MARCHF8: variants seen among roughly 807,000 people sequenced by gnomAD.
MARCHF8 encodes E3 ubiquitin-protein ligase MARCHF8.
MARCHF8 carries 40 observed loss-of-function variants against 51.6 expected under a neutral mutation model. The observed-to-expected ratio is 0.77, with a 90% CI of 0.60 to 1.01. The LOEUF (loss-of-function observed/expected upper bound fraction) is 1.01, where lower values mean the gene tolerates loss of function less well. Among genes scored for constraint, MARCHF8 ranks in the 50% least tolerant of loss-of-function variants. MARCHF8 has a pLI of 0.00. For synonymous variants in MARCHF8, 263 were observed against 280.3 expected (o/e 0.94, Z 0.62); for missense variants, 685 against 708.6 (o/e 0.97, Z 0.38).
intron 2 of MARCHF8, among the ~76,000 whole-genome samples, chr10:45,531,381 A>G (rs2043883158): frequency 1.3e-5 from 2 of 152,196 alleles, no homozygotes; most frequent in African/African-American, 2.4e-5. Flanking sequence ...AAGAAAAATG[A>G]TAGATGGAAA....
chr10:45,467,502 C>T (rs775477534), intron 3 of MARCHF8, among the ~76,000 whole-genome samples: 13 of 152,120 alleles, frequency 8.5e-5, no homozygotes, highest in Non-Finnish European at 1.5e-4. Context: ...TTATTTGTTG[C>T]TGCTATAGAC....
intron 2 of MARCHF8, among the ~76,000 whole-genome samples, chr10:45,490,262 T>C (rs1043891613): frequency 2.0e-5 from 3 of 152,218 alleles, no homozygotes; most frequent in African/African-American, 7.2e-5. Context: ...CCTCAGAATA[T>C]AACTATTTGG....
intron 2 of MARCHF8, among the ~76,000 whole-genome samples, chr10:45,528,121 C>T (rs991681734): frequency 2.0e-5 from 3 of 152,054 alleles, no homozygotes; most frequent in African/African-American, 7.2e-5. Flanking sequence ...AACCCATATA[C>T]AAGAATCCCA....
rs185400766 is a variant in MARCHF8, at chr10:45,573,137, C to G, written c.-79+21098G>C. ...GAAAAACCCAGCCCAGTTCATGGCC[C>G]ATTTAGCAGCAACCCTTAAGACTCT... On this transcript the variant is annotated intron_variant, in intron 1 of 6. Coordinates refer to the MARCHF8 transcript ENST00000319836. 4.4e-3 allele frequency among the ~76,000 whole-genome samples: 669 copies of G among 152,248 alleles called. 4 individuals are homozygous for G. The highest frequency in any genetic ancestry group is 0.015 in the African/African-American group (639 of 41,558).
chr10:45,487,665 CTATTTT>C (rs2043006754), intron 3 of MARCHF8, among the ~76,000 whole-genome samples: 1 of 152,114 alleles, frequency 6.6e-6, no homozygotes, highest in African/African-American at 2.4e-5. Context: ...AAAGGCATTC[CTATTTT>C]TAACGCAAAA....
chr10:45,548,281 T>C (rs986420491), intron 1 of MARCHF8, among the ~76,000 whole-genome samples: 3 of 152,148 alleles, frequency 2.0e-5, no homozygotes, highest in East Asian at 1.9e-4. Flanking sequence ...AGGCAGTGTA[T>C]GCAATTTAGA....
chr10:45,530,972 G>A (rs1052347569), intron 2 of MARCHF8, among the ~76,000 whole-genome samples: 1 of 151,962 alleles, frequency 6.6e-6, no homozygotes, highest in African/African-American at 2.4e-5. Context: ...AATGTCTAGT[G>A]ATAAAACATG....
chr10:45,477,354 A>C (rs1181544779), intron 3 of MARCHF8, among the ~76,000 whole-genome samples: 1 of 152,240 alleles, frequency 6.6e-6, no homozygotes, highest in Non-Finnish European at 1.5e-5. Context: ...CTACACATGG[A>C]AGCACAAGGA....
upstream of MARCHF8, among the ~76,000 whole-genome samples, chr10:45,535,901 A>G (rs993035562): frequency 1.3e-5 from 2 of 152,184 alleles, no homozygotes; most frequent in Non-Finnish European, 2.9e-5. Flanking sequence ...GATACTGCCA[A>G]AGCTGGTTGT....
At chr10:45,580,913 G>C (rs1336132728) in intron 1 of MARCHF8, among the ~76,000 whole-genome samples, 1 of 152,062 alleles carries the variant, frequency 6.6e-6, no homozygotes, top group Admixed American at 6.5e-5. Context: ...CCCCTACCCA[G>C]GGCCACACCT....
At chr10:45,487,131 CT>C (rs1446522343) in intron 3 of MARCHF8, among the ~76,000 whole-genome samples, 2 of 152,096 alleles carry the variant, frequency 1.3e-5, no homozygotes, top group Non-Finnish European at 1.5e-5. Flanking sequence ...TTACTGATAA[CT>C]AAATTAAAGC....
intron 3 of MARCHF8, among the ~76,000 whole-genome samples, chr10:45,467,399 G>T (rs1716953804): frequency 6.6e-6 from 1 of 152,128 alleles, no homozygotes; most frequent in Non-Finnish European, 1.5e-5. Context: ...CCCAGAAGAG[G>T]CTCCTTCTGT....
rs182191426 is a variant in MARCHF8, at chr10:45,588,264, T to G, written c.-79+5971A>C. 5.9e-5 allele frequency among the ~76,000 whole-genome samples: 9 copies of G among 152,130 alleles called. No homozygotes were observed. The East Asian group carries it at 1.7e-3, about 29-fold the overall frequency. ...TCCTTATCCATACAGTCATACAACA[T>G]TTCTTCAACTGAAGAACAGAAATAT... On this transcript the variant is annotated intron_variant, in intron 1 of 6. Coordinates refer to the MARCHF8 transcript ENST00000319836.
chr10:45,532,283 G>A (rs1310042497), intron 2 of MARCHF8, among the ~76,000 whole-genome samples: 5 of 152,108 alleles, frequency 3.3e-5, no homozygotes, highest in African/African-American at 9.7e-5. Flanking sequence ...CTGCAGTGAG[G>A]GTGTATATCA....
chr10:45,593,062 G>T (rs2044699136), intron 1 of MARCHF8, among the ~76,000 whole-genome samples: 1 of 152,050 alleles, frequency 6.6e-6, no homozygotes, highest in Non-Finnish European at 1.5e-5. Flanking sequence ...CCAAAGAAAG[G>T]AACTGACTTG....
At chr10:45,568,286 A>G (rs142097432) in intron 1 of MARCHF8, among the ~76,000 whole-genome samples, 2,569 of 152,254 alleles carry the variant, frequency 0.017, 35 homozygotes, top group Non-Finnish European at 0.026. Context: ...TGACTGCTCT[A>G]GCTAGGACTT....
intron 3 of MARCHF8, among the ~76,000 whole-genome samples, chr10:45,466,837 G>A (rs1842984671): frequency 6.6e-6 from 1 of 152,158 alleles, no homozygotes; most frequent in Non-Finnish European, 1.5e-5. Context: ...TGTACTCTGG[G>A]GTAACGATTC....
chr10:45,586,313 A>C (rs2044618081), intron 1 of MARCHF8, among the ~76,000 whole-genome samples: 1 of 152,098 alleles, frequency 6.6e-6, no homozygotes, highest in African/African-American at 2.4e-5. Flanking sequence ...ATCATACAGA[A>C]TGTAGTGTTT....
intron 1 of MARCHF8, among the ~76,000 whole-genome samples, chr10:45,543,917 T>C (rs1589165227): frequency 6.7e-6 from 1 of 150,314 alleles, no homozygotes. Flanking sequence ...AAAGAAAATA[T>C]ATGAGAGCCA....
Sources: gnomAD v4.1 joint callset for allele counts (sites outside exome capture counted in the v4.1 genomes callset) on GRCh38, gnomAD v4.1.1 for gene constraint, MANE v1.5 for transcripts, NCBI Gene and HGNC (gene_info 2026-07-23, HGNC 2026-07-21) for gene names.